Variants in NLGN1 observed in about 807,000 individuals in gnomAD.
NLGN1 encodes neuroligin-1.
In NLGN1, 12 loss-of-function variants were observed where a neutral mutation model predicts 65.5. The ratio of observed to expected loss-of-function variants is 0.18; its 90% confidence interval spans 0.12 to 0.30. The LOEUF (loss-of-function observed/expected upper bound fraction) is 0.30, where lower values mean the gene tolerates loss of function less well. NLGN1 is among the 10% of genes least tolerant of loss of function. The pLI, the probability that NLGN1 is intolerant of heterozygous loss-of-function variation, is 1.00. For synonymous variants in NLGN1, 350 were observed against 359.5 expected (o/e 0.97, Z 0.30); for missense variants, 750 against 1,007.1 (o/e 0.74, Z 3.46).
rs76519904 is a variant in NLGN1, at chr3:174,080,507, G to T, written c.647-194808G>T. Among the ~76,000 whole-genome samples, 641 of 152,290 alleles carry T rather than the reference G, an allele frequency of 4.2e-3. 2 individuals carry two copies. The highest frequency in any genetic ancestry group is 0.014 in the African/African-American group (572 of 41,574). The stretch of plus-strand genomic sequence containing the variant: ...TATGTTGGCATACTTTTGGGGTCTT[G>T]CATTACTTCTCACCTGATTCTTCCC... On this transcript the variant is annotated intron_variant, in intron 4 of 6. Transcript: ENST00000457714.
At chr3:173,804,615 A>G (rs1437051487) in intron 3 of NLGN1, among the ~76,000 whole-genome samples, 1 of 150,238 alleles carries the variant, frequency 6.7e-6, no homozygotes, top group Non-Finnish European at 1.5e-5. Flanking sequence ...CTAAAAACAA[A>G]TAAATAGTTG....
At chr3:173,434,622 C>A (rs777087029) in intron 1 of NLGN1, among the ~76,000 whole-genome samples, 2 of 152,174 alleles carry the variant, frequency 1.3e-5, no homozygotes, top group Admixed American at 6.5e-5. Context: ...TTGATGTTCA[C>A]CAGCTCTCTA....
At chr3:174,038,659 C>G (rs1432651911) in intron 4 of NLGN1, among the ~76,000 whole-genome samples, 2 of 152,274 alleles carry the variant, frequency 1.3e-5, no homozygotes, top group Admixed American at 1.3e-4. Context: ...TGAGTCCATA[C>G]CTGGTTAACT....
chr3:173,835,141 A>G (rs1329460483), intron 4 of NLGN1, among the ~76,000 whole-genome samples: 1 of 152,078 alleles, frequency 6.6e-6, no homozygotes, highest in Non-Finnish European at 1.5e-5. Context: ...ACACAATCTC[A>G]CTTGAAGTTG....
chr3:173,597,326 A>G (rs971903478), intron 2 of NLGN1, among the ~76,000 whole-genome samples: 3 of 152,176 alleles, frequency 2.0e-5, no homozygotes, highest in African/African-American at 7.2e-5. Flanking sequence ...CTCACCTCAA[A>G]TAAGAGGGCT....
chr3:174,147,419 CTTTTTTTTTTT>C lies in NLGN1; in HGVS notation c.647-127875_647-127865del, dbSNP rs574298501. The stretch of plus-strand genomic sequence containing the variant: ...TGAATTTTTGTGTAATGGCTCATGG[CTTTTTTTTTTT>C]TTTTTTTTTTTTTTTTTTTTGAGAC... On this transcript the variant is annotated intron_variant, in intron 4 of 6. Coordinates refer to ENST00000457714, the Ensembl canonical transcript of NLGN1. Among the ~76,000 whole-genome samples the C allele has an allele frequency of 1.6e-3, 58 of 36,258 alleles. 1 individual carries two copies. Among genetic ancestry groups the C allele is most frequent in the African/African-American group, 3.3e-3 (37 of 11,166 alleles). 23.8% of individuals were successfully genotyped at this position (36,258 alleles called of 152,430 possible).
intron 2 of NLGN1, among the ~76,000 whole-genome samples, chr3:173,588,002 T>G (rs1023451493): frequency 6.6e-6 from 1 of 152,208 alleles, no homozygotes; most frequent in Non-Finnish European, 1.5e-5. Flanking sequence ...AGGGCAATTA[T>G]TTTTAAATGA....
chr3:173,678,896 G>T (rs574635905), intron 3 of NLGN1, among the ~76,000 whole-genome samples: 1 of 152,116 alleles, frequency 6.6e-6, no homozygotes, highest in African/African-American at 2.4e-5. Context: ...ACATTTAGGA[G>T]AATTCCTTGC....
At chr3:174,186,243 C>T (rs1561243602) in intron 4 of NLGN1, among the ~76,000 whole-genome samples, 1 of 152,048 alleles carries the variant, frequency 6.6e-6, no homozygotes, top group African/African-American at 2.4e-5. Flanking sequence ...ACAAACATGA[C>T]TGTCTTATTC....
At chr3:173,796,084 C>T (rs1452989178) in intron 3 of NLGN1, among the ~76,000 whole-genome samples, 2 of 152,048 alleles carry the variant, frequency 1.3e-5, no homozygotes, top group Non-Finnish European at 2.9e-5. Flanking sequence ...GCTAATAATA[C>T]CCTCAACCTA....
At chr3:174,150,282 A>G (rs1024222564) in intron 4 of NLGN1, among the ~76,000 whole-genome samples, 4 of 152,114 alleles carry the variant, frequency 2.6e-5, no homozygotes, top group Admixed American at 6.6e-5. Context: ...TCTTTTCTGT[A>G]TCAAAGTTAA....
intron 2 of NLGN1, among the ~76,000 whole-genome samples, chr3:173,497,061 C>T (rs1335092789): frequency 6.6e-6 from 1 of 151,842 alleles, no homozygotes; most frequent in Non-Finnish European, 1.5e-5. Flanking sequence ...TATTTGTTTT[C>T]TGACTTACTT....
intron 3 of NLGN1, among the ~76,000 whole-genome samples, chr3:173,690,781 A>T (rs1004266727): frequency 6.6e-6 from 1 of 152,200 alleles, no homozygotes; most frequent in African/African-American, 2.4e-5. Context: ...AAAGATAAAA[A>T]GTGCAAGATA....
intron 3 of NLGN1, among the ~76,000 whole-genome samples, chr3:173,650,982 G>T (rs1174394262): frequency 1.3e-5 from 2 of 151,566 alleles, no homozygotes; most frequent in East Asian, 1.9e-4. Flanking sequence ...TTTGATACAT[G>T]GATAAATTGT....
At chr3:173,420,112 C>A (rs567937575) in intron 1 of NLGN1, among the ~76,000 whole-genome samples, 1 of 148,882 alleles carries the variant, frequency 6.7e-6, no homozygotes, top group Non-Finnish European at 1.5e-5. Flanking sequence ...TTTTAGGGTA[C>A]ATGTGCACAA....
intron 3 of NLGN1, 91 bp from the exon 4 acceptor site, chr3:173,807,589 C>A: frequency 1.4e-6 from 2 of 1,394,914 alleles, no homozygotes; most frequent in Non-Finnish European, 2.0e-6. Flanking sequence ...TGAAATTATG[C>A]CCTCTTTTCA....
chr3:173,962,198 T>C (rs1487622887), intron 4 of NLGN1, among the ~76,000 whole-genome samples: 1 of 152,126 alleles, frequency 6.6e-6, no homozygotes, highest in Non-Finnish European at 1.5e-5. Context: ...TGGCAGGATT[T>C]CCTTCCACAG....
chr3:174,043,743 C>CA (rs1371722722), intron 4 of NLGN1, among the ~76,000 whole-genome samples: 1 of 152,178 alleles, frequency 6.6e-6, no homozygotes, highest in African/African-American at 2.4e-5. Flanking sequence ...GCACACAGTG[C>CA]AAGCTGTTGG....
intron 4 of NLGN1, among the ~76,000 whole-genome samples, chr3:173,942,155 T>C (rs1746255582): frequency 1.3e-5 from 2 of 150,792 alleles, no homozygotes; most frequent in African/African-American, 4.9e-5. Context: ...TGTGTGTGTG[T>C]GTATGTGTAT....
Sources: allele counts gnomAD v4.1 joint callset (sites outside exome capture counted in the v4.1 genomes callset), GRCh38; gene constraint gnomAD v4.1.1; transcripts MANE v1.5; gene names NCBI Gene and HGNC (gene_info 2026-07-23, HGNC 2026-07-21).